Variants in ELFN2 observed in about 807,000 individuals in gnomAD.
ELFN2 encodes protein phosphatase 1 regulatory subunit 29.
ELFN2 carries 17 observed loss-of-function variants against 45.5 expected under a neutral mutation model. That is an observed-to-expected ratio of 0.37 (90% CI 0.26 to 0.56). The LOEUF is 0.56. ELFN2 is among the 20% of genes least tolerant of loss of function. The pLI, the probability that ELFN2 is intolerant of heterozygous loss-of-function variation, is 0.77. For synonymous variants in ELFN2, 550 were observed against 551.5 expected (o/e 1.00, Z 0.04); for missense variants, 922 against 1,183.2 (o/e 0.78, Z 3.24).
At chr22:37,356,327 G>C (rs572517194) in intron 1 of ELFN2, among the ~76,000 whole-genome samples, 329 of 152,334 alleles carry the variant, frequency 2.2e-3, no homozygotes, top group Non-Finnish European at 4.1e-3. Flanking sequence ...GAACACCCCA[G>C]AGGGTCTACA....
At chr22:37,360,962 G>T (rs771253199) in intron 1 of ELFN2, among the ~76,000 whole-genome samples, 7 of 152,144 alleles carry the variant, frequency 4.6e-5, no homozygotes, top group African/African-American at 1.7e-4. Context: ...CTGGAATGGG[G>T]TTTACAGCAG....
At chr22:37,412,831 G>A (rs549772448) in intron 2 of ELFN2, among the ~76,000 whole-genome samples, 4 of 152,284 alleles carry the variant, frequency 2.6e-5, no homozygotes, top group African/African-American at 7.2e-5. Flanking sequence ...TTGGGAGCCC[G>A]GCACTCTAAG....
At chr22:37,365,366 G>A (rs1931180934), downstream of ELFN2, among the ~76,000 whole-genome samples, 1 of 152,184 alleles carries the variant, frequency 6.6e-6, no homozygotes, top group Non-Finnish European at 1.5e-5. Context: ...AGGGTCACCA[G>A]AGTCACCTTG....
At chr22:37,348,874 G>A (rs1172675115) in intron 1 of ELFN2, among the ~76,000 whole-genome samples, 2 of 150,846 alleles carry the variant, frequency 1.3e-5, no homozygotes, top group African/African-American at 4.8e-5. Context: ...CTTGGTGGAG[G>A]TGGCATCATG....
At chr22:37,400,909 A>G (rs532212907) in intron 2 of ELFN2, among the ~76,000 whole-genome samples, 218 of 152,376 alleles carry the variant, frequency 1.4e-3, no homozygotes, top group Middle Eastern at 6.8e-3. Context: ...AAGTGGCGAA[A>G]ACGGTCACAG....
chr22:37,424,684 G>GC (rs925670312), intron 1 of ELFN2, among the ~76,000 whole-genome samples: 1,940 of 152,138 alleles, frequency 0.013, 37 homozygotes, highest in African/African-American at 0.045. Flanking sequence ...GGGCGGCGGG[G>GC]GGGGGGATGG....
At chr22:37,389,206 G>A (rs74764575) in intron 2 of ELFN2, among the ~76,000 whole-genome samples, 1 of 152,078 alleles carries the variant, frequency 6.6e-6, no homozygotes, top group African/African-American at 2.4e-5. Context: ...AGAGAGAAGA[G>A]GGTGAGACAG....
rs1251839405 is a variant in ELFN2 at position 37,417,028 on chromosome 22, C to T, written c.-463+741G>A. 2.0e-5 allele frequency among the ~76,000 whole-genome samples: 3 copies of T among 151,904 alleles called. No homozygotes were observed. The highest frequency in any genetic ancestry group is 2.9e-5 in the Non-Finnish European group (2 of 67,960). On this transcript the variant is annotated intron_variant, in intron 2 of 2. Transcript: ENST00000402918. This position sits in a 1 kb window ranked among gnomAD's most constrained non-coding sequence, Gnocchi z 4.5. ...GGAGACCACAATGCCACAGAGGCGGCTCCCTCACCACGGCAACCACCGTCA... is the reference window on the plus strand; with the variant it reads ...GGAGACCACAATGCCACAGAGGCGGTTCCCTCACCACGGCAACCACCGTCA...
chr22:37,342,654 G>C (rs572561587), exon 2 of ELFN2: 1 of 151,524 alleles, frequency 6.6e-6, no homozygotes, highest in South Asian at 2.1e-4. Context: ...GAGCCACTGG[G>C]CTTCACTGTT....
At chr22:37,423,402 G>A (rs1265079337) in intron 1 of ELFN2, among the ~76,000 whole-genome samples, 3 of 152,186 alleles carry the variant, frequency 2.0e-5, no homozygotes, top group Non-Finnish European at 2.9e-5. Context: ...GAGAGGGGTA[G>A]GCCAAGATGT....
At chr22:37,407,124 T>TGC (rs1221091886) in intron 2 of ELFN2, among the ~76,000 whole-genome samples, 50 of 152,170 alleles carry the variant, frequency 3.3e-4, no homozygotes, top group African/African-American at 1.1e-3. Flanking sequence ...TGTGTGTGCT[T>TGC]GTGTGTGTGC....
intron 2 of ELFN2, among the ~76,000 whole-genome samples, chr22:37,381,915 C>T (rs1350571960): frequency 8.3e-6 from 1 of 120,986 alleles, no homozygotes; most frequent in Non-Finnish European, 1.6e-5. Context: ...GAGATCGCGC[C>T]TCTGCACTCC....
intron 1 of ELFN2, among the ~76,000 whole-genome samples, chr22:37,361,329 C>T (rs1229222603): frequency 6.6e-6 from 1 of 151,698 alleles, no homozygotes; most frequent in Non-Finnish European, 1.5e-5. Context: ...TTCTGAGCCC[C>T]CCTCCTCCCT....
chr22:37,396,837 G>A (rs553954304), intron 2 of ELFN2, among the ~76,000 whole-genome samples: 11 of 152,200 alleles, frequency 7.2e-5, no homozygotes, highest in East Asian at 3.9e-4. Context: ...CAGCTTTCCC[G>A]TCAACTCCTG....
At chr22:37,391,760 ACAG>A (rs1932092842) in intron 2 of ELFN2, among the ~76,000 whole-genome samples, 2 of 152,160 alleles carry the variant, frequency 1.3e-5, no homozygotes, top group Admixed American at 1.3e-4. Flanking sequence ...CCCTTACATG[ACAG>A]GGAGAGAAAC....
chr22:37,374,551 G>A lies in ELFN2; in HGVS notation c.984C>T (p.Tyr328=), dbSNP rs1213972527. The part of the protein sequence containing the change: ...PYSKMYILVQ[Y]NNSYFSDVMT... ...TGACGTCGGAGAAGTAGCTGTTGTT[G>A]TACTGCACGAGGATGTACATCTTGC... Residue 328 remains tyrosine (Y), a synonymous_variant, in exon 3 of 3, where the codon TAC becomes TAT. Transcript: ENST00000402918. 2 of 1,614,246 alleles carry A rather than the reference G, an allele frequency of 1.2e-6. No homozygotes were observed. Among genetic ancestry groups the A allele is most frequent in the Non-Finnish European group, 1.7e-6 (2 of 1,180,040 alleles).
chr22:37,404,707 A>G (rs534299173), intron 2 of ELFN2, among the ~76,000 whole-genome samples: 1 of 152,254 alleles, frequency 6.6e-6, no homozygotes, highest in South Asian at 2.1e-4. Context: ...GCTGACACCC[A>G]GGCTGGGAGG....
At chr22:37,407,830 G>C (rs1021295425) in intron 2 of ELFN2, among the ~76,000 whole-genome samples, 1 of 151,922 alleles carries the variant, frequency 6.6e-6, no homozygotes, top group African/African-American at 2.4e-5. Flanking sequence ...GGGAGGCGGA[G>C]CTTGCAGTAA....
chr22:37,386,191 C>T (rs1019380649), intron 2 of ELFN2, among the ~76,000 whole-genome samples: 1 of 152,180 alleles, frequency 6.6e-6, no homozygotes, highest in Non-Finnish European at 1.5e-5. Flanking sequence ...CTGGCCTAGC[C>T]TAGGTGCTGT....
Sources: gnomAD v4.1 joint callset for allele counts (sites outside exome capture counted in the v4.1 genomes callset) on GRCh38, gnomAD v4.1.1 for gene constraint, Gnocchi (gnomAD v3.1) non-coding constraint, MANE v1.5 for transcripts, NCBI Gene and HGNC (gene_info 2026-07-23, HGNC 2026-07-21) for gene names.